The following ZGRF1 variants were observed in gnomAD, a reference collection of about 807,000 sequenced individuals.
ZGRF1 encodes the protein zinc finger GRF-type containing 1, also known as 5'-3' DNA helicase ZGRF1.
ZGRF1 carries 196 observed loss-of-function variants against 203.5 expected under a neutral mutation model. The observed-to-expected ratio is 0.96, with a 90% CI of 0.86 to 1.08. The LOEUF (loss-of-function observed/expected upper bound fraction) is 1.08, where lower values mean the gene tolerates loss of function less well. Ranked by LOEUF, ZGRF1 falls within the 50% of genes least tolerant of loss-of-function variation. The pLI, the probability that ZGRF1 is intolerant of heterozygous loss-of-function variation, is 0.00. For missense variants in ZGRF1, 2,326 were observed against 2,416.3 expected (o/e 0.96, Z 0.78); for synonymous variants, 809 against 841.3 (o/e 0.96, Z 0.66).
intron 3 of ZGRF1, among the ~76,000 whole-genome samples, chr4:112,624,876 A>T (rs142134120): frequency 6.6e-6 from 1 of 152,184 alleles, no homozygotes; most frequent in Non-Finnish European, 1.5e-5. Context: ...AAAAACATAT[A>T]TCTATACAAA....
intron 10 of ZGRF1, among the ~76,000 whole-genome samples, chr4:112,603,186 T>C (rs1422861136): frequency 6.6e-6 from 1 of 152,164 alleles, no homozygotes; most frequent in Non-Finnish European, 1.5e-5. Flanking sequence ...CTCAGTGTCA[T>C]ATTTAAAGAG....
At chr4:112,547,216 C>T (rs1392911100) in intron 24 of ZGRF1, 69 bp downstream of exon 24, 5 of 1,434,538 alleles carry the variant, frequency 3.5e-6, no homozygotes, top group Non-Finnish European at 4.7e-6. Context: ...TTTTCATTCT[C>T]TATCAACACA....
chr4:112,560,613 A>G, intron 19 of ZGRF1, 120 bp downstream of exon 19: 1 of 862,328 alleles, frequency 1.2e-6, no homozygotes, highest in South Asian at 1.8e-5. Context: ...ACAGGTTTAA[A>G]AAGTCTACTT....
In ZGRF1 at chr4:112,603,651, C is replaced by T; in HGVS notation, c.2849G>A (p.Gly950Asp). 2 of 1,614,030 alleles carry T rather than the reference C, an allele frequency of 1.2e-6. No individual in the cohort carries two copies. The highest frequency in any genetic ancestry group is 2.7e-5 in the African/African-American group (2 of 75,054). Residue 950 changes from glycine (G) to aspartate (D), a missense_variant, in exon 10 of 28, where the codon GGT becomes GAT. Physicochemically the swap from Gly to Asp is moderately conservative, Grantham distance 94. Transcript: ENST00000505019. ...TGAGCTGTGTCCTCTGACCATTACACCACTAGTAGCTGATCCTTTTACTTG... is the reference window on the plus strand; with the variant it reads ...TGAGCTGTGTCCTCTGACCATTACATCACTAGTAGCTGATCCTTTTACTTG... ...GHQVKGSATS[G>D]VMVRGHSSQL...
At chr4:112,560,345 G>A (rs1175691630) in intron 19 of ZGRF1, among the ~76,000 whole-genome samples, 3 of 152,126 alleles carry the variant, frequency 2.0e-5, no homozygotes, top group Non-Finnish European at 2.9e-5. Context: ...CAAGAGAAAG[G>A]ACAAGAATGA....
At chr4:112,626,752 A>G (rs1417057756) in intron 3 of ZGRF1, among the ~76,000 whole-genome samples, 2 of 152,198 alleles carry the variant, frequency 1.3e-5, no homozygotes, top group Non-Finnish European at 2.9e-5. Context: ...GGGTCTCTAC[A>G]GCTAATTACG....
At chr4:112,633,276 G>A in intron 1 of ZGRF1, 34 bp from the exon 2 acceptor site, 1 of 964,090 alleles carries the variant, frequency 1.0e-6, no homozygotes, top group African/African-American at 1.7e-5. Context: ...TTTCAACCCT[G>A]ATTTTTAAAA....
Position 112,619,414 on chromosome 4 carries a change from C to T in ZGRF1, c.628G>A (p.Glu210Lys). Residue 210 changes from glutamate to lysine, a missense_variant, in exon 6 of 28, where the codon GAA becomes AAA. Glu to Lys is a moderately conservative substitution (Grantham distance 56, BLOSUM62 1). Coordinates refer to ENST00000505019, the MANE Select transcript of ZGRF1 (RefSeq NM_018392.5). ...TTGACAGGTGAGCAAAAATAATTTT[C>T]TTCACACAGCACTTCTGGGTTAATC... Reference protein sequence around the residue: ...FQINPEVLCEENYFCSPVNSG... With the variant: ...FQINPEVLCEKNYFCSPVNSG... 6.2e-7 allele frequency: 1 copy of T among 1,613,212 alleles called. No individual in the cohort carries two copies. The highest frequency in any genetic ancestry group is 8.5e-7 in the Non-Finnish European group (1 of 1,179,470).
Position 112,619,660 on chromosome 4 carries a change from T to C in ZGRF1, c.382A>G (p.Lys128Glu). The C allele has an allele frequency of 6.2e-7, 1 of 1,611,956 alleles. No individual in the cohort carries two copies. The highest frequency in any genetic ancestry group is 1.3e-5 in the African/African-American group (1 of 74,916). ...TCACCACTTTCCATAATAACCATTT[T>C]CTTTGGAACCTGACGTGGTCCTTGA... The part of the protein sequence containing the change: ...GFQGPRQVPK[K>E]MVIMESGESA... The change falls in exon 6 of 28, where the codon AAA becomes GAA. Residue 128 changes from lysine (K) to glutamate (E), a missense_variant. By Grantham distance (56) the Lys-to-Glu change is moderately conservative. Transcript: ENST00000505019.
Position 112,606,214 on chromosome 4 carries a change from T to C in ZGRF1, c.2719-123A>G, listed in dbSNP as rs1486622368. Reference sequence around the variant, plus strand: ...CCTGTGAAAACACACTTGCCATCTCTATCTTGCTTCTGTCTACACACACAT... The same window carrying C: ...CCTGTGAAAACACACTTGCCATCTCCATCTTGCTTCTGTCTACACACACAT... On this transcript the variant is annotated intron_variant, in intron 8 of 27. Transcript: ENST00000505019. 4.6e-6 allele frequency: 3 copies of C among 645,686 alleles called. No homozygotes were observed. In the African/African-American group the frequency reaches 5.4e-5, roughly 12 times the overall value. The allele number at this position is 645,686 out of a possible 1,614,324, so 40.0% of individuals were successfully genotyped here.
At chr4:112,595,719 G>A (rs538318569) in intron 10 of ZGRF1, among the ~76,000 whole-genome samples, 21 of 152,026 alleles carry the variant, frequency 1.4e-4, no homozygotes, top group Non-Finnish European at 2.2e-4. Context: ...TCAAAACAAC[G>A]TAAGTATACT....
intron 10 of ZGRF1, among the ~76,000 whole-genome samples, chr4:112,590,080 A>G (rs545008710): frequency 6.6e-6 from 1 of 152,344 alleles, no homozygotes; most frequent in East Asian, 1.9e-4. Context: ...TAAAATACAG[A>G]GCATAAAATC....
chr4:112,548,298 T>C lies in ZGRF1; in HGVS notation c.5429A>G (p.Glu1810Gly), dbSNP rs932773446. The change falls in exon 23 of 28, where the codon GAG becomes GGG. Residue 1810 changes from glutamate (E) to glycine (G), a missense_variant. Glu to Gly is a moderately conservative substitution (Grantham distance 98). Coordinates refer to ENST00000505019, the MANE Select transcript of ZGRF1 (RefSeq NM_018392.5). ...GGCCGGTTCAGTTATCTGACTACAC[T>C]CATCCAGCACAACTACAGGAAATTT... The part of the protein sequence containing the change: ...DLKFPVVVLD[E>G]CSQITEPASL... The C allele has an allele frequency of 6.4e-6, 10 of 1,552,286 alleles. No individual in the cohort carries two copies. Among genetic ancestry groups the C allele is most frequent in the African/African-American group, 1.4e-5 (1 of 73,008 alleles).
At position 112,547,307 on chromosome 4, in the gene ZGRF1, A is replaced by C. The variant is rs1426995579; in HGVS notation, c.5576T>G (p.Leu1859Arg). The change falls in exon 24 of 28, where the codon CTT becomes CGT. Residue 1859 changes from leucine to arginine, a missense_variant. Leu to Arg is a moderately radical substitution (Grantham distance 102). Coordinates refer to ENST00000505019, the MANE Select transcript of ZGRF1 (RefSeq NM_018392.5). ...TACCATTAAGCAAAGTCGATCAAAAAGAGTTTGTTCCAATCCATTTTCATG... is the reference window on the plus strand; with the variant it reads ...TACCATTAAGCAAAGTCGATCAAAACGAGTTTGTTCCAATCCATTTTCATG... ...AAHENGLEQT[L>R]FDRLCLMGHK... 3 of 1,612,930 alleles carry C rather than the reference A, an allele frequency of 1.9e-6. No individual in the cohort carries two copies. Among genetic ancestry groups the C allele is most frequent in the Non-Finnish European group, 2.5e-6 (3 of 1,179,616 alleles).
rs759726940 is a variant in ZGRF1, at chr4:112,585,729, CA to C, written c.3917-5del. On this transcript the variant is annotated splice_region_variant and splice_polypyrimidine_tract_variant and intron_variant, in intron 13 of 27. Coordinates refer to ENST00000505019, the MANE Select transcript of ZGRF1 (RefSeq NM_018392.5). The stretch of plus-strand genomic sequence containing the variant: ...AACAGCAATATATTTAGATGTTCTA[CA>C]AAAAAAAAAAAAAGAGAGCAGAAAA... 0.19 allele frequency: 194,232 copies of C among 1,008,406 alleles called. 20 individuals carry two copies. The highest frequency in any genetic ancestry group is 0.22 in the Middle Eastern group (596 of 2,674). The allele number at this position is 1,008,406 out of a possible 1,614,324, so 62.5% of individuals were successfully genotyped here.
intron 22 of ZGRF1, among the ~76,000 whole-genome samples, chr4:112,552,628 T>C (rs927590449): frequency 1.2e-4 from 18 of 152,224 alleles, no homozygotes; most frequent in African/African-American, 3.6e-4. Flanking sequence ...AACTCTATAA[T>C]TCAAATAACA....
intron 24 of ZGRF1, chr4:112,546,954 T>TA (rs1311256721): frequency 1.9e-5 from 3 of 161,854 alleles, no homozygotes; most frequent in Non-Finnish European, 1.3e-5. Context: ...CAACCCCAAT[T>TA]AAAAAATGTT....
rs372375109 is a variant in ZGRF1 at position 112,539,908 on chromosome 4, A to G, written c.6127T>C (p.Leu2043=). The change falls in exon 27 of 28, where the codon TTG becomes CTG. Residue 2043 remains leucine (L), a synonymous_variant. Coordinates refer to ENST00000505019, the MANE Select transcript of ZGRF1 (RefSeq NM_018392.5). ...CGTCCCCAAAGTTGATTTTTCCTCA[A>G]ACAGGCTAAATTTCCCACAATCAAC... ...HLLIVGNLAC[L]RKNQLWGRVI... is the part of the protein sequence containing the mutation. 296 of 1,613,876 alleles carry G rather than the reference A, an allele frequency of 1.8e-4. No homozygotes were observed. Among genetic ancestry groups the G allele is most frequent in the Non-Finnish European group, 2.4e-4 (288 of 1,179,796 alleles).
At chr4:112,632,229 G>A (rs2047434851) in intron 2 of ZGRF1, among the ~76,000 whole-genome samples, 1 of 151,850 alleles carries the variant, frequency 6.6e-6, no homozygotes, top group Non-Finnish European at 1.5e-5. Context: ...GGGAAGGAAG[G>A]GAGAGAGAGA....
Sources: allele counts gnomAD v4.1 joint callset (sites outside exome capture counted in the v4.1 genomes callset), GRCh38; gene constraint gnomAD v4.1.1; transcripts MANE v1.5; gene names NCBI Gene and HGNC (gene_info 2026-07-23, HGNC 2026-07-21).